The following R3HCC1L variants were observed in gnomAD, a reference collection of about 807,000 sequenced individuals.
R3HCC1L encodes R3H domain and coiled-coil containing 1 like, also known as coiled-coil domain-containing protein R3HCC1L.
In R3HCC1L, 51 loss-of-function variants were observed where a neutral mutation model predicts 59.9. The observed-to-expected ratio is 0.85, with a 90% CI of 0.68 to 1.07. R3HCC1L has a LOEUF of 1.07. R3HCC1L is among the 50% of genes least tolerant of loss of function. The pLI is 0.00. For synonymous variants in R3HCC1L, 322 were observed against 315.2 expected, an observed-to-expected ratio of 1.02 and a Z score of -0.23; for missense variants, 965 against 933.0, an observed-to-expected ratio of 1.03 and a Z score of -0.45.
intron 9 of R3HCC1L, among the ~76,000 whole-genome samples, chr10:98,240,307 A>G (rs1857393466): frequency 6.6e-6 from 1 of 152,290 alleles, no homozygotes; most frequent in Non-Finnish European, 1.5e-5. Flanking sequence ...CTCCATCTCA[A>G]AAAAATAAAA....
intron 5 of R3HCC1L, among the ~76,000 whole-genome samples, chr10:98,217,093 T>G (rs992159886): frequency 6.6e-6 from 1 of 152,196 alleles, no homozygotes; most frequent in Non-Finnish European, 1.5e-5. Flanking sequence ...TTTTCCAGCC[T>G]TATTTACTAG....
At chr10:98,162,700 G>C (rs1044749881) in intron 2 of R3HCC1L, among the ~76,000 whole-genome samples, 183 bp from the exon 3 acceptor site, 8 of 147,680 alleles carry the variant, frequency 5.4e-5, no homozygotes, top group East Asian at 1.9e-4. Flanking sequence ...GTGTGTCTCT[G>C]TGTGTGTGTG....
intron 4 of R3HCC1L, among the ~76,000 whole-genome samples, chr10:98,198,245 T>C (rs1851659820): frequency 6.6e-6 from 1 of 152,126 alleles, no homozygotes; most frequent in African/African-American, 2.4e-5. Flanking sequence ...ATTATCTTAG[T>C]GCCCAGAAAT....
In R3HCC1L at chr10:98,244,436, G is replaced by A. The variant is rs1857898268; in HGVS notation, c.*278G>A. ...TGAATTCCAAGAGTTGCCTGGACAGGGCAAGTCATGTTAGCGTGGGTCACA... is the reference window on the plus strand; with the variant it reads ...TGAATTCCAAGAGTTGCCTGGACAGAGCAAGTCATGTTAGCGTGGGTCACA... On this transcript the variant is annotated 3_prime_UTR_variant, in exon 10 of 10. Coordinates refer to ENST00000298999, the MANE Select transcript of R3HCC1L (RefSeq NM_001351015.2). The A allele has an allele frequency of 6.2e-6, 2 of 323,130 alleles. No individual in the cohort carries two copies. Among genetic ancestry groups the A allele is most frequent in the Non-Finnish European group, 1.2e-5 (2 of 169,958 alleles). The allele number at this position is 323,130 out of a possible 1,614,324, so 20.0% of individuals were successfully genotyped here. A position where few individuals can be genotyped will look rare whatever the true frequency, so the allele number is the denominator to read the frequency against.
Position 98,208,809 on chromosome 10 carries a change from A to G in R3HCC1L, c.695A>G (p.Asn232Ser), listed in dbSNP as rs749862286. The G allele has an allele frequency of 6.2e-7, 1 of 1,613,964 alleles. No individual in the cohort carries two copies. Among genetic ancestry groups the G allele is most frequent in the Non-Finnish European group, 8.5e-7 (1 of 1,179,984 alleles). ...TTTAGTTCTGTCATGAAACCTGAGA[A>G]TATGATTGTACCAATAAAACTAAGC... ...RVFSSVMKPENMIVPIKLSSD... is the reference protein window; with the variant it reads ...RVFSSVMKPESMIVPIKLSSD... Residue 232 changes from asparagine (N) to serine (S), a missense_variant, in exon 5 of 10, where the codon AAT becomes AGT. Transcript: ENST00000298999.
intron 4 of R3HCC1L, among the ~76,000 whole-genome samples, chr10:98,182,912 G>T (rs1198133151): frequency 2.6e-5 from 4 of 152,184 alleles, no homozygotes; most frequent in African/African-American, 9.7e-5. Flanking sequence ...GTATTTGGGT[G>T]GCAGTGTCCC....
In R3HCC1L at chr10:98,208,396, G is replaced by C. The variant is rs1196226288; in HGVS notation, c.282G>C (p.Met94Ile). 1 of 1,613,868 alleles carries C rather than the reference G, an allele frequency of 6.2e-7. No individual in the cohort carries two copies. Among genetic ancestry groups the C allele is most frequent in the African/African-American group, 1.3e-5 (1 of 74,974 alleles). The change falls in exon 5 of 10, where the codon ATG becomes ATC. Residue 94 changes from methionine to isoleucine, a missense_variant. Coordinates refer to ENST00000298999, the MANE Select transcript of R3HCC1L (RefSeq NM_001351015.2). ...AGAAATCTTCAACAAAATTAAGAAT[G>C]GACACATGCCTTCAAAAAACAAATA... ...EEKKSSTKLR[M>I]DTCLQKTNRV...
In R3HCC1L at chr10:98,208,546, G is replaced by T; in HGVS notation, c.432G>T (p.Lys144Asn). Residue 144 changes from lysine (K) to asparagine (N), a missense_variant, in exon 5 of 10, where the codon AAG becomes AAT. Coordinates refer to ENST00000298999, the MANE Select transcript of R3HCC1L (RefSeq NM_001351015.2). ...APLQRHFKPK[K>N]VECLEVETTD... ...TGCAGAGACATTTTAAACCAAAGAA[G>T]GTGGAGTGTTTGGAAGTTGAAACTA... is the stretch of plus-strand genomic sequence containing the variant. 6.2e-7 allele frequency: 1 copy of T among 1,614,146 alleles called. No individual in the cohort carries two copies. The highest frequency in any genetic ancestry group is 8.5e-7 in the Non-Finnish European group (1 of 1,180,022).
chr10:98,199,359 A>G (rs1249881849), intron 4 of R3HCC1L, among the ~76,000 whole-genome samples: 2 of 152,042 alleles, frequency 1.3e-5, no homozygotes, highest in Admixed American at 6.6e-5. Context: ...CTGCTTATCA[A>G]TATTCATTGC....
intron 4 of R3HCC1L, among the ~76,000 whole-genome samples, chr10:98,191,018 G>A (rs1035667735): frequency 6.6e-5 from 10 of 152,280 alleles, no homozygotes; most frequent in African/African-American, 2.2e-4. Flanking sequence ...ATTCCATGGT[G>A]TATATGTGCC....
At chr10:98,184,608 G>T (rs903089490) in intron 4 of R3HCC1L, among the ~76,000 whole-genome samples, 1 of 152,160 alleles carries the variant, frequency 6.6e-6, no homozygotes, top group Non-Finnish European at 1.5e-5. Context: ...CTGTCATTAC[G>T]TGACACATGA....
intron 9 of R3HCC1L, 127 bp from the exon 10 acceptor site, chr10:98,243,964 T>TA: frequency 1.4e-6 from 1 of 691,514 alleles, no homozygotes; most frequent in Non-Finnish European, 2.5e-6. Flanking sequence ...TAACTCTTGT[T>TA]ATCAGGTAAG....
chr10:98,138,685 G>T (rs1436868830), intron 1 of R3HCC1L, among the ~76,000 whole-genome samples: 2 of 152,162 alleles, frequency 1.3e-5, no homozygotes, highest in Non-Finnish European at 2.9e-5. Flanking sequence ...GGAACATTTT[G>T]TTGATTGTCC....
At chr10:98,162,571 C>A (rs1847532587) in intron 2 of R3HCC1L, among the ~76,000 whole-genome samples, 1 of 152,104 alleles carries the variant, frequency 6.6e-6, no homozygotes, top group Non-Finnish European at 1.5e-5. Flanking sequence ...TTCAGCTGGC[C>A]AGCATATACT....
At chr10:98,182,798 C>CTAGTGG (rs1408466500) in intron 4 of R3HCC1L, among the ~76,000 whole-genome samples, 1 of 152,164 alleles carries the variant, frequency 6.6e-6, no homozygotes, top group African/African-American at 2.4e-5. Flanking sequence ...TCTTGGACTG[C>CTAGTGG]TGTACTAGTG....
At position 98,231,694 on chromosome 10, in the gene R3HCC1L, A is replaced by G. The variant is rs764435928; in HGVS notation, c.1961+7A>G. ...GGGTTTTCTGCAGTTATCAGTGAGT[A>G]TGCAAATGATTGTGGATGTTAGGGA... is the stretch of plus-strand genomic sequence containing the variant. On this transcript the variant is annotated splice_region_variant and intron_variant, in intron 6 of 9. Transcript: ENST00000298999. 10 of 1,589,236 alleles carry G rather than the reference A, an allele frequency of 6.3e-6. No homozygotes were observed. In the South Asian group the frequency reaches 1.1e-4, roughly 18 times the overall value.
intron 2 of R3HCC1L, among the ~76,000 whole-genome samples, chr10:98,159,190 T>C (rs7096493): frequency 0.18 from 27,878 of 152,210 alleles, 2,697 homozygotes; most frequent in Non-Finnish European, 0.2. Flanking sequence ...TTCTCATGGT[T>C]TAATTAAGGT....
intron 4 of R3HCC1L, among the ~76,000 whole-genome samples, chr10:98,206,474 G>T (rs974781734): frequency 6.6e-6 from 1 of 151,766 alleles, no homozygotes; most frequent in Non-Finnish European, 1.5e-5. Flanking sequence ...TGTCATTTTT[G>T]TGTCAGTTGC....
At chr10:98,216,749 A>C (rs949606380) in intron 5 of R3HCC1L, among the ~76,000 whole-genome samples, 2 of 151,922 alleles carry the variant, frequency 1.3e-5, no homozygotes, top group African/African-American at 2.4e-5. Flanking sequence ...ATTTTTAAAA[A>C]ATTTATTTTT....
Sources: allele counts gnomAD v4.1 joint callset (sites outside exome capture counted in the v4.1 genomes callset), GRCh38; gene constraint gnomAD v4.1.1; transcripts MANE v1.5; gene names NCBI Gene and HGNC (gene_info 2026-07-23, HGNC 2026-07-21).